SPECC1: variants seen among roughly 807,000 people sequenced by gnomAD.
SPECC1 encodes cytospin-B.
SPECC1 carries 62 observed loss-of-function variants against 104.1 expected under a neutral mutation model. The ratio of observed to expected loss-of-function variants is 0.60; its 90% CI spans 0.49 to 0.74. The LOEUF (loss-of-function observed/expected upper bound fraction) is 0.74. SPECC1 is among the 30% of genes least tolerant of loss of function. The pLI is 0.00. For missense variants in SPECC1, 1,306 were observed against 1,310.5 expected, an observed-to-expected ratio of 1.00 and a Z score of 0.05; for synonymous variants, 513 against 501.6, an observed-to-expected ratio of 1.02 and a Z score of -0.30.
intron 12 of SPECC1, chr17:20,290,344 CTTTTT>C (rs774007951): frequency 7.1e-6 from 1 of 140,368 alleles, no homozygotes; most frequent in South Asian, 2.3e-4. Context: ...AAAAAAATAA[CTTTTT>C]TTTTTTTTTT....
intron 12 of SPECC1, among the ~76,000 whole-genome samples, chr17:20,260,904 T>G (rs943506570): frequency 6.6e-6 from 1 of 152,144 alleles, no homozygotes; most frequent in Non-Finnish European, 1.5e-5. Flanking sequence ...GTGTTCTGGT[T>G]GGTGGCAGCA....
At chr17:20,071,035 T>C (rs953854690) in intron 1 of SPECC1, among the ~76,000 whole-genome samples, 17 of 152,160 alleles carry the variant, frequency 1.1e-4, no homozygotes, top group Non-Finnish European at 5.9e-5. Context: ...TTTTTCAGTT[T>C]TTTGAGACAG....
chr17:20,150,432 G>C (rs1021274709), intron 3 of SPECC1, among the ~76,000 whole-genome samples: 2 of 151,816 alleles, frequency 1.3e-5, no homozygotes, highest in African/African-American at 2.4e-5. Context: ...CTGAGGTCGG[G>C]AGTTCGAGAC....
At position 20,027,315 on chromosome 17, in the gene SPECC1, G is replaced by C. The variant is rs146414508; in HGVS notation, c.-22+17891G>C. ...GTTGAGTTGTTTTAGTCACTTGTGT[G>C]TTCTGGATACTAGTCCCTTGATGGA... On this transcript the variant is annotated intron_variant, in intron 1 of 14. Transcript: ENST00000395527. Among the ~76,000 whole-genome samples, 1,008 of 152,238 alleles carry C rather than the reference G, an allele frequency of 6.6e-3. 12 individuals carry two copies. Among genetic ancestry groups the C allele is most frequent in the African/African-American group, 0.023 (960 of 41,564 alleles).
At chr17:20,275,397 A>G (rs2040543124) in intron 12 of SPECC1, among the ~76,000 whole-genome samples, 1 of 152,060 alleles carries the variant, frequency 6.6e-6, no homozygotes, top group Non-Finnish European at 1.5e-5. Flanking sequence ...GAGCTCTAAA[A>G]CCCTGTATCA....
At chr17:20,156,494 C>T (rs532375510) in intron 3 of SPECC1, among the ~76,000 whole-genome samples, 32 of 152,288 alleles carry the variant, frequency 2.1e-4, no homozygotes, top group African/African-American at 7.5e-4. Context: ...TGGGTCCCTG[C>T]CGCGGGGTTC....
intron 1 of SPECC1, among the ~76,000 whole-genome samples, chr17:20,063,344 C>T (rs1257830869): frequency 6.6e-6 from 1 of 152,166 alleles, no homozygotes; most frequent in Non-Finnish European, 1.5e-5. Context: ...AAATGATCTG[C>T]TTTGCCTAGT....
In SPECC1 at chr17:20,108,775, G is replaced by C. The variant is rs566092533; in HGVS notation, c.148-1652G>C. 9.8e-5 allele frequency among the ~76,000 whole-genome samples: 15 copies of C among 152,292 alleles called. No homozygotes were observed. In the East Asian group the frequency reaches 2.9e-3, roughly 29 times the overall value. ...AAAAAGGTGCTATGAACATTCTTTT[G>C]AGGGACCTATGTACTTGCTTCTCTT... On this transcript the variant is annotated intron_variant, in intron 2 of 14. Transcript: ENST00000395527.
chr17:20,042,536 A>G (rs1024313625), intron 1 of SPECC1, among the ~76,000 whole-genome samples: 11 of 152,208 alleles, frequency 7.2e-5, no homozygotes, highest in African/African-American at 2.7e-4. Flanking sequence ...TACTACTGCC[A>G]TGCAGGGATA....
At chr17:20,067,411 G>A (rs890250545) in intron 1 of SPECC1, 1 of 152,124 alleles carries the variant, frequency 6.6e-6, no homozygotes, top group Admixed American at 6.5e-5. Context: ...CCAAAGTGCT[G>A]GGATTTCAGG....
intron 1 of SPECC1, among the ~76,000 whole-genome samples, chr17:20,052,152 AT>A (rs763717124): frequency 5.9e-5 from 9 of 152,156 alleles, no homozygotes; most frequent in Non-Finnish European, 5.9e-5. Context: ...TTTCTCCATT[AT>A]TTCATTAGTT....
At chr17:20,135,414 T>C (rs2049865907) in intron 3 of SPECC1, among the ~76,000 whole-genome samples, 1 of 152,198 alleles carries the variant, frequency 6.6e-6, no homozygotes, top group Non-Finnish European at 1.5e-5. Context: ...AAATTAGTTT[T>C]GGAACATTAA....
At chr17:20,076,880 A>C (rs2046780763) in intron 1 of SPECC1, among the ~76,000 whole-genome samples, 1 of 151,630 alleles carries the variant, frequency 6.6e-6, no homozygotes, top group African/African-American at 2.4e-5. Flanking sequence ...TATCACAGGG[A>C]AAAAAGAGTA....
chr17:20,302,609 C>T (rs970846672), intron 13 of SPECC1, among the ~76,000 whole-genome samples: 1 of 151,508 alleles, frequency 6.6e-6, no homozygotes, highest in Non-Finnish European at 1.5e-5. Context: ...TATACTATTT[C>T]AGGGTATTTT....
intron 9 of SPECC1, among the ~76,000 whole-genome samples, chr17:20,247,568 CA>C (rs2039472142): frequency 6.6e-6 from 1 of 152,130 alleles, no homozygotes; most frequent in South Asian, 2.1e-4. Context: ...CTGGTTGGCA[CA>C]TGGTCACATT....
At chr17:20,229,006 A>G (rs951870727) in intron 5 of SPECC1, among the ~76,000 whole-genome samples, 2 of 152,148 alleles carry the variant, frequency 1.3e-5, no homozygotes, top group African/African-American at 2.4e-5. Context: ...GATAAAACGT[A>G]TTTTAACCCC....
chr17:20,170,527 G>C (rs1462554854), intron 3 of SPECC1, among the ~76,000 whole-genome samples: 1 of 152,110 alleles, frequency 6.6e-6, no homozygotes, highest in African/African-American at 2.4e-5. Context: ...GGAACTCCCA[G>C]GGGGGTGCAG....
chr17:20,119,532 A>G (rs953984769), intron 3 of SPECC1, among the ~76,000 whole-genome samples: 1 of 152,214 alleles, frequency 6.6e-6, no homozygotes, highest in Admixed American at 6.5e-5. Flanking sequence ...ACACCCAGCC[A>G]AGAGCTTTTA....
intron 14 of SPECC1, among the ~76,000 whole-genome samples, chr17:20,312,031 T>C (rs897315426): frequency 1.3e-5 from 2 of 152,208 alleles, no homozygotes; most frequent in African/African-American, 2.4e-5. Context: ...TATACTTTTA[T>C]AGGTTAATAG....
Sources: allele counts gnomAD v4.1 joint callset (sites outside exome capture counted in the v4.1 genomes callset), GRCh38; gene constraint gnomAD v4.1.1; transcripts MANE v1.5; gene names NCBI Gene and HGNC (gene_info 2026-07-23, HGNC 2026-07-21).